The following RORB variants were observed in gnomAD, a reference collection of about 807,000 sequenced individuals.
The protein encoded by RORB is nuclear receptor ROR-beta.
Under a neutral mutation model 59.1 loss-of-function variants are expected in RORB, and 6 were observed. The observed-to-expected ratio is 0.10, with a 90% CI of 0.06 to 0.20. The LOEUF (loss-of-function observed/expected upper bound fraction) is 0.20. RORB is among the 10% of genes least tolerant of loss of function. The probability of loss-of-function intolerance (pLI) is 1.00; values close to 1 mark genes in which losing one functional copy is unlikely to be tolerated. For missense variants in RORB, 320 were observed against 560.5 expected (o/e 0.57, Z 4.33); for synonymous variants, 215 against 204.5 (o/e 1.05, Z -0.44).
chr9:74,517,369 C>T (rs1000185379), intron 1 of RORB, among the ~76,000 whole-genome samples: 1 of 152,004 alleles, frequency 6.6e-6, no homozygotes, highest in Non-Finnish European at 1.5e-5. Context: ...TTGCACTATA[C>T]TCGGTCCAAC....
At chr9:74,553,513 T>C (rs1826643498) in intron 1 of RORB, among the ~76,000 whole-genome samples, 1 of 152,246 alleles carries the variant, frequency 6.6e-6, no homozygotes, top group East Asian at 1.9e-4. Context: ...TTACCACTTA[T>C]GTATCAAGCA....
chr9:74,569,377 A>G (rs191703873), intron 1 of RORB, among the ~76,000 whole-genome samples: 2 of 152,246 alleles, frequency 1.3e-5, no homozygotes, highest in East Asian at 3.9e-4. Flanking sequence ...TATATAGTGT[A>G]TAGTGTAGCC....
At chr9:74,583,415 A>G (rs1822753735) in intron 1 of RORB, among the ~76,000 whole-genome samples, 1 of 152,070 alleles carries the variant, frequency 6.6e-6, no homozygotes, top group Non-Finnish European at 1.5e-5. Flanking sequence ...ATCTCTTTTA[A>G]GGATGGTTTA....
In RORB at chr9:74,586,706, T is replaced by C. The variant is rs78630162; in HGVS notation, c.8-43576T>C. Among the ~76,000 whole-genome samples the C allele has an allele frequency of 1.1e-3, 165 of 151,804 alleles. 1 individual carries two copies. The East Asian group carries it at 0.019, about 17-fold the overall frequency. On this transcript the variant is annotated intron_variant, in intron 1 of 9. Coordinates refer to ENST00000376896, the MANE Select transcript of RORB (RefSeq NM_006914.4). ...TTATGCTACTCCACATGGACAAAGTTGGAATATTTTCTCTAAATGTGGCAC... is the reference window on the plus strand; with the variant it reads ...TTATGCTACTCCACATGGACAAAGTCGGAATATTTTCTCTAAATGTGGCAC...
rs182508128 is a variant in RORB, at chr9:74,656,795, C to T, written c.638-3822C>T. Among the ~76,000 whole-genome samples the T allele has an allele frequency of 6.1e-3, 923 of 152,200 alleles. 12 individuals carry two copies. The highest frequency in any genetic ancestry group is 0.021 in the African/African-American group (882 of 41,540). On this transcript the variant is annotated intron_variant, in intron 4 of 9. Transcript: ENST00000376896. ...CTTTACAGCTCCTACTTTACAACTT[C>T]GGTTGGTTACCAGTTATCTCTGAAT...
intron 4 of RORB, among the ~76,000 whole-genome samples, chr9:74,656,030 A>C (rs1824073368): frequency 6.6e-6 from 1 of 152,238 alleles, no homozygotes; most frequent in South Asian, 2.1e-4. Flanking sequence ...AGGATATGGA[A>C]AATAATTTTG....
chr9:74,578,529 C>T (rs904221412), intron 1 of RORB, among the ~76,000 whole-genome samples: 3 of 151,774 alleles, frequency 2.0e-5, no homozygotes, highest in South Asian at 2.1e-4. Context: ...ACCTTCTGAA[C>T]CTAAAATTAA....
intron 3 of RORB, among the ~76,000 whole-genome samples, chr9:74,641,888 C>T (rs1823812825): frequency 6.6e-6 from 1 of 152,024 alleles, no homozygotes; most frequent in Admixed American, 6.6e-5. Flanking sequence ...GCCTGGGTGA[C>T]AGAGCAAGAC....
At position 74,688,305 on chromosome 9, in the gene RORB, C is replaced by A; in HGVS notation, c.*2687C>A. The A allele has an allele frequency of 6.6e-6, 1 of 152,186 alleles. No homozygotes were observed. Among genetic ancestry groups the A allele is most frequent in the East Asian group, 1.9e-4 (1 of 5,188 alleles). 9.4% of individuals were successfully genotyped at this position (152,186 alleles called of 1,614,324 possible). ...TCTAGTTTGGGTTACAGTTGCCCAA[C>A]CTTCCCTTTAAAGAGAATCCAGTCA... On this transcript the variant is annotated 3_prime_UTR_variant, in exon 10 of 10. Coordinates refer to ENST00000376896, the MANE Select transcript of RORB (RefSeq NM_006914.4).
chr9:74,668,567 A>G (rs569990884), intron 8 of RORB, among the ~76,000 whole-genome samples: 3 of 152,240 alleles, frequency 2.0e-5, no homozygotes, highest in Non-Finnish European at 4.4e-5. Context: ...CAGTCGATTG[A>G]CACATACTTT....
chr9:74,614,878 A>C (rs530692172), intron 1 of RORB, among the ~76,000 whole-genome samples: 1 of 152,244 alleles, frequency 6.6e-6, no homozygotes, highest in East Asian at 1.9e-4. Context: ...TTGTTTCTTC[A>C]TCATTCTTAC....
rs1056809635 is a variant in RORB at position 74,686,661 on chromosome 9, G to T, written c.*1043G>T. The T allele has an allele frequency of 2.6e-5, 4 of 152,346 alleles. No individual in the cohort carries two copies. The highest frequency in any genetic ancestry group is 2.6e-4 in the Admixed American group (4 of 15,256). The allele number at this position is 152,346 out of a possible 1,614,324, so 9.4% of individuals were successfully genotyped here. On this transcript the variant is annotated 3_prime_UTR_variant, in exon 10 of 10. Coordinates refer to ENST00000376896, the MANE Select transcript of RORB (RefSeq NM_006914.4). ...CAATTTTTTTCTAGGAAAGTTAAAA[G>T]AATAAATCAGAACCCAGGGCAACAA...
At chr9:74,610,533 A>AAAATT (rs1177247012) in intron 1 of RORB, among the ~76,000 whole-genome samples, 5 of 152,220 alleles carry the variant, frequency 3.3e-5, no homozygotes, top group African/African-American at 1.2e-4. Context: ...TTCTCTATGC[A>AAAATT]AAATTAAATT....
Position 74,588,635 on chromosome 9 carries a change from C to T in RORB, c.8-41647C>T, listed in dbSNP as rs140068390. 8.2e-3 allele frequency among the ~76,000 whole-genome samples: 1,243 copies of T among 152,150 alleles called. 10 individuals are homozygous for T. Among genetic ancestry groups the T allele is most frequent in the Non-Finnish European group, 0.013 (901 of 67,994 alleles). ...GATATTATACTCTTAATTCATCATC[C>T]GGTTAACTTTTCTTCTGAAAGTAAG... On this transcript the variant is annotated intron_variant, in intron 1 of 9. Transcript: ENST00000376896.
At chr9:74,614,191 T>C (rs1439908729) in intron 1 of RORB, among the ~76,000 whole-genome samples, 2 of 152,156 alleles carry the variant, frequency 1.3e-5, no homozygotes, top group African/African-American at 4.8e-5. Flanking sequence ...CACCAACTTA[T>C]ATGGTTGCGT....
chr9:74,585,725 T>C (rs1822788174), intron 1 of RORB, among the ~76,000 whole-genome samples: 1 of 152,202 alleles, frequency 6.6e-6, no homozygotes, highest in African/African-American at 2.4e-5. Context: ...TAACCCTATG[T>C]AAGCTCATGA....
intron 1 of RORB, among the ~76,000 whole-genome samples, chr9:74,619,936 G>T (rs1219473288): frequency 6.6e-6 from 1 of 151,948 alleles, no homozygotes; most frequent in African/African-American, 2.4e-5. Flanking sequence ...TGCTGGATTC[G>T]GTTTGCCAGT....
At chr9:74,662,360 T>C (rs1359448095) in intron 5 of RORB, 114 bp from the exon 6 acceptor site, 1 of 963,548 alleles carries the variant, frequency 1.0e-6, no homozygotes, top group Admixed American at 2.2e-5. Context: ...ATCATATAAA[T>C]TCCCTCCTTT....
chr9:74,588,742 A>G (rs1822844315), intron 1 of RORB, among the ~76,000 whole-genome samples: 1 of 152,248 alleles, frequency 6.6e-6, no homozygotes. Context: ...CTTTTAAGCT[A>G]TCAATGGAAT....
Sources: gnomAD v4.1 joint callset for allele counts (sites outside exome capture counted in the v4.1 genomes callset) on GRCh38, gnomAD v4.1.1 for gene constraint, MANE v1.5 for transcripts, NCBI Gene and HGNC (gene_info 2026-07-23, HGNC 2026-07-21) for gene names.